The following ITSN2 variants were observed in gnomAD, a reference collection of about 807,000 sequenced individuals.
ITSN2 encodes the protein intersectin-2.
Under a neutral mutation model 243.7 loss-of-function variants are expected in ITSN2, and 156 were observed. The ratio of observed to expected loss-of-function variants is 0.64; its 90% confidence interval spans 0.56 to 0.73. The LOEUF is 0.73. ITSN2 is among the 30% of genes least tolerant of loss of function. The probability of loss-of-function intolerance (pLI) is 0.00; values close to 1 mark genes in which losing one functional copy is unlikely to be tolerated. For missense variants in ITSN2, 1,801 were observed against 1,996.1 expected (o/e 0.90, Z 1.86); for synonymous variants, 703 against 699.9 (o/e 1.00, Z -0.07).
intron 29 of ITSN2, among the ~76,000 whole-genome samples, chr2:24,245,289 G>A (rs762794692): frequency 2.6e-5 from 4 of 152,072 alleles, no homozygotes; most frequent in Non-Finnish European, 2.9e-5. Context: ...CATCCCTTGT[G>A]GAAAAAGGTG....
intron 29 of ITSN2, among the ~76,000 whole-genome samples, chr2:24,245,676 G>A (rs1986478): frequency 0.19 from 29,376 of 151,920 alleles, 3,273 homozygotes; most frequent in Non-Finnish European, 0.26. Flanking sequence ...ATGGGGTTTC[G>A]CCATGTTGCC....
At position 24,210,858 on chromosome 2, in the gene ITSN2, A is replaced by G. The variant is rs1188144210; in HGVS notation, c.4179T>C (p.Asn1393=). The G allele has an allele frequency of 1.9e-6, 3 of 1,613,958 alleles. No homozygotes were observed. Among genetic ancestry groups the G allele is most frequent in the East Asian group, 4.5e-5 (2 of 44,874 alleles). The change falls in exon 34 of 40, where the codon AAT becomes AAC. Residue 1393 remains asparagine (N), a synonymous_variant. Transcript: ENST00000355123. The stretch of plus-strand genomic sequence containing the variant: ...AGTTTTCCTTCTCCCGAACTCCCTC[A>G]TTCACTTGAGAGCACAGCTCCTCTG... ...ERAEELCSQV[N]EGVREKENSD...
At chr2:24,283,074 TAA>T (rs1182097813) in intron 17 of ITSN2, among the ~76,000 whole-genome samples, 4 of 151,636 alleles carry the variant, frequency 2.6e-5, no homozygotes, top group Admixed American at 2.6e-4. Context: ...CTTTTCATTC[TAA>T]GAGTTGTTGC....
At chr2:24,326,700 A>G in intron 2 of ITSN2, 1 of 169,208 alleles carries the variant, frequency 5.9e-6, no homozygotes, top group Middle Eastern at 5.2e-4. Context: ...GTAAAACACG[A>G]AACAACAAAA....
chr2:24,204,382 G>T lies in ITSN2; in HGVS notation c.4799C>A (p.Ser1600Tyr), dbSNP rs1319352614. Reference protein sequence around the residue: ...SNPYCEISMGSQSYTTRTIQD... With the variant: ...SNPYCEISMGYQSYTTRTIQD... ...GATGGTCCTGGTGGTGTAGCTCTGG[G>T]AGCCCATGCTGATTTCACAGTATGG... Residue 1600 changes from serine to tyrosine, a missense_variant, in exon 39 of 40, where the codon TCC becomes TAC. Coordinates refer to ENST00000355123, the MANE Select transcript of ITSN2 (RefSeq NM_006277.3). The surrounding 1 kb of genome is among the most constrained non-coding windows in gnomAD (Gnocchi z 5.1). The T allele has an allele frequency of 6.2e-7, 1 of 1,614,220 alleles. No individual in the cohort carries two copies.
chr2:24,293,608 A>T lies in ITSN2; in HGVS notation c.1723+80T>A, dbSNP rs1680561697. ...TTATTTATAACAGAATACTTTTTTT[A>T]ATTTTAAAAAAGTAACAATGTGACT... On this transcript the variant is annotated intron_variant, in intron 15 of 39. Transcript: ENST00000355123. 5.2e-6 allele frequency: 3 copies of T among 571,744 alleles called. No homozygotes were observed. The Admixed American group carries it at 9.9e-5, about 19-fold the overall frequency. The allele number at this position is 571,744 out of a possible 1,614,324, so 35.4% of individuals were successfully genotyped here. A position where few individuals can be genotyped will look rare whatever the true frequency, so the allele number is the denominator to read the frequency against.
rs1460806562 is a variant in ITSN2 at position 24,246,077 on chromosome 2, G to GTA, written c.3577+50_3577+51dup. 3 of 1,174,962 alleles carry GTA rather than the reference G, an allele frequency of 2.6e-6. No individual in the cohort carries two copies. The African/African-American group carries it at 4.6e-5, about 18-fold the overall frequency. 72.8% of individuals were successfully genotyped at this position (1,174,962 alleles called of 1,614,324 possible). On this transcript the variant is annotated intron_variant, in intron 29 of 39. Transcript: ENST00000355123. ...CCAGAAAAGGAATAAATGCAGTGCT[G>GTA]TATATTGAAGTTTCACACTAGGTGA...
chr2:24,334,496 T>C (rs1356950252), intron 1 of ITSN2: 8 of 701,800 alleles, frequency 1.1e-5, no homozygotes, highest in Admixed American at 3.6e-5. Context: ...TCCGTGCCAA[T>C]AGCGCTCATG....
At chr2:24,310,175 G>A in intron 7 of ITSN2, 109 bp downstream of exon 7, 2 of 679,452 alleles carry the variant, frequency 2.9e-6, no homozygotes, top group Non-Finnish European at 5.1e-6. Flanking sequence ...TTTGTACTTG[G>A]CCATTATAAA....
At chr2:24,304,797 A>T (rs572122861) in intron 8 of ITSN2, among the ~76,000 whole-genome samples, 2 of 152,332 alleles carry the variant, frequency 1.3e-5, no homozygotes, top group Admixed American at 6.5e-5. Flanking sequence ...AATGGTTAAA[A>T]ATCATACTCG....
chr2:24,247,417 T>C (rs1673528098), intron 27 of ITSN2, among the ~76,000 whole-genome samples: 2 of 152,304 alleles, frequency 1.3e-5, no homozygotes, highest in South Asian at 4.1e-4. Context: ...TTAATCTGTA[T>C]CCTTTCATTG....
At chr2:24,330,772 T>A in intron 1 of ITSN2, 1 of 156,956 alleles carries the variant, frequency 6.4e-6, no homozygotes, top group Non-Finnish European at 1.3e-5. Flanking sequence ...TTCATTTTAC[T>A]TTTTTTTTTT....
chr2:24,340,736 CAAAA>C (rs1358844512), intron 1 of ITSN2, among the ~76,000 whole-genome samples: 18 of 150,742 alleles, frequency 1.2e-4, no homozygotes, highest in Admixed American at 6.0e-4. Context: ...CCTGTGTTCT[CAAAA>C]AAGGAAAAAA....
intron 27 of ITSN2, among the ~76,000 whole-genome samples, chr2:24,247,500 A>G (rs1410961159): frequency 6.6e-6 from 1 of 152,168 alleles, no homozygotes; most frequent in Non-Finnish European, 1.5e-5. Context: ...ACAGAACTTG[A>G]GAGTAGTCTT....
intron 31 of ITSN2, among the ~76,000 whole-genome samples, chr2:24,217,164 G>C (rs2151130277): frequency 6.6e-6 from 1 of 152,076 alleles, no homozygotes; most frequent in African/African-American, 2.4e-5. Context: ...CAGGAGAATG[G>C]TGTGAACCCA....
At chr2:24,235,869 G>A (rs1025348863) in intron 29 of ITSN2, among the ~76,000 whole-genome samples, 8 of 152,202 alleles carry the variant, frequency 5.3e-5, no homozygotes, top group Admixed American at 2.0e-4. Flanking sequence ...ACAAGTGCCG[G>A]TGAGGATGTG....
At chr2:24,360,984 G>T (rs1558686995), upstream of ITSN2, among the ~76,000 whole-genome samples, 3 of 152,224 alleles carry the variant, frequency 2.0e-5, no homozygotes, top group African/African-American at 7.2e-5. Context: ...GGGAATTGGG[G>T]GGTGGAAGGT....
chr2:24,235,224 C>G (rs913615616), intron 29 of ITSN2, among the ~76,000 whole-genome samples: 1 of 152,076 alleles, frequency 6.6e-6, no homozygotes, highest in Non-Finnish European at 1.5e-5. Flanking sequence ...GTAAAAGAAG[C>G]CAATCTGAAA....
chr2:24,203,022 G>T lies in ITSN2; in HGVS notation c.*604C>A, dbSNP rs1342602874. On this transcript the variant is annotated 3_prime_UTR_variant, in exon 40 of 40. Coordinates refer to ENST00000355123, the MANE Select transcript of ITSN2 (RefSeq NM_006277.3). ...TTGAAAAATATTTTCCACATTATTA[G>T]AGTTCACAGTATTTAAATCAAGCTT... 6.6e-6 allele frequency: 1 copy of T among 152,532 alleles called. No individual in the cohort carries two copies. The highest frequency in any genetic ancestry group is 1.5e-5 in the Non-Finnish European group (1 of 68,038). 9.4% of individuals were successfully genotyped at this position (152,532 alleles called of 1,614,324 possible). A position where few individuals can be genotyped will look rare whatever the true frequency, so the allele number is the denominator to read the frequency against.
Sources: gnomAD v4.1 joint callset for allele counts (sites outside exome capture counted in the v4.1 genomes callset) on GRCh38, gnomAD v4.1.1 for gene constraint, Gnocchi (gnomAD v3.1) non-coding constraint, MANE v1.5 for transcripts, NCBI Gene and HGNC (gene_info 2026-07-23, HGNC 2026-07-21) for gene names.